EFHB: variants seen among roughly 807,000 people sequenced by gnomAD.
The protein encoded by EFHB is EF-hand domain family member B.
A neutral mutation model predicts 87.2 loss-of-function variants in EFHB; 91 were observed. That is an observed-to-expected ratio of 1.04 (90% CI 0.88 to 1.24). The LOEUF (loss-of-function observed/expected upper bound fraction) is 1.24, where lower values mean the gene tolerates loss of function less well. Among genes scored for constraint, EFHB ranks in the 50% most tolerant of loss-of-function variants. EFHB has a pLI of 0.00. For synonymous variants in EFHB, 325 were observed against 333.6 expected, an observed-to-expected ratio of 0.97 and a Z score of 0.28; for missense variants, 1,084 against 998.8, an observed-to-expected ratio of 1.09 and a Z score of -1.15.
At chr3:19,905,928 T>C (rs1694828080) in intron 5 of EFHB, among the ~76,000 whole-genome samples, 179 bp from the exon 6 acceptor site, 1 of 152,234 alleles carries the variant, frequency 6.6e-6, no homozygotes, top group Non-Finnish European at 1.5e-5. Flanking sequence ...CCATGTGAGC[T>C]GGGAGACTGG....
chr3:19,939,213 T>TGACTTTC (rs2125171249), upstream of EFHB, among the ~76,000 whole-genome samples: 1 of 152,088 alleles, frequency 6.6e-6, no homozygotes, highest in Admixed American at 6.6e-5. Context: ...GCCTACTTTA[T>TGACTTTC]GACTTTCTGC....
rs564319361 is a variant in EFHB, at chr3:19,923,535, G to C, written c.790-2968C>G. The stretch of plus-strand genomic sequence containing the variant: ...CTACAAGTGTGGGCCACCATGCCTA[G>C]CTAATTTTTGTATTTTTTTTGTAGA... On this transcript the variant is annotated intron_variant, in intron 1 of 12. Coordinates refer to ENST00000295824, the MANE Select transcript of EFHB (RefSeq NM_144715.4). Among the ~76,000 whole-genome samples the C allele has an allele frequency of 4.6e-5, 7 of 152,148 alleles. No individual in the cohort carries two copies. In the East Asian group the frequency reaches 9.7e-4, roughly 21 times the overall value.
intron 5 of EFHB, among the ~76,000 whole-genome samples, chr3:19,914,416 C>T (rs113911229): frequency 8.5e-5 from 13 of 152,254 alleles, no homozygotes; most frequent in African/African-American, 2.9e-4. Context: ...TACTTAGCAT[C>T]AACATACTGG....
intron 4 of EFHB, among the ~76,000 whole-genome samples, chr3:19,916,448 G>C (rs1291797898): frequency 6.6e-6 from 1 of 151,906 alleles, no homozygotes; most frequent in Non-Finnish European, 1.5e-5. Context: ...CTGGGAGGCA[G>C]AGGTTGCAGG....
intron 10 of EFHB, 47 bp from the exon 11 acceptor site, chr3:19,884,662 C>T (rs1254887575): frequency 6.4e-7 from 1 of 1,553,168 alleles, no homozygotes; most frequent in Non-Finnish European, 8.8e-7. Flanking sequence ...TACATTACTA[C>T]TTAGTGCTTG....
At chr3:19,929,927 G>A (rs1695773037) in intron 1 of EFHB, among the ~76,000 whole-genome samples, 1 of 152,108 alleles carries the variant, frequency 6.6e-6, no homozygotes, top group South Asian at 2.1e-4. Context: ...ATAGGAATTT[G>A]AGATTTCAAA....
chr3:19,920,382 A>G (rs918373266), intron 2 of EFHB, 123 bp downstream of exon 2: 1 of 804,750 alleles, frequency 1.2e-6, no homozygotes, highest in Non-Finnish European at 1.9e-6. Context: ...AAAATACAGC[A>G]AAGAATCCAA....
intron 1 of EFHB, among the ~76,000 whole-genome samples, chr3:19,939,236 T>G (rs1348687512): frequency 6.6e-6 from 1 of 152,022 alleles, no homozygotes; most frequent in Non-Finnish European, 1.5e-5. Context: ...TTGCCCCTGT[T>G]GTCCCCCTTG....
intron 1 of EFHB, among the ~76,000 whole-genome samples, chr3:19,939,540 A>G (rs190353056): frequency 0.014 from 2,023 of 147,224 alleles, 18 homozygotes; most frequent in Non-Finnish European, 0.021. Context: ...GCCCGCCACC[A>G]CACCCGGCTA....
intron 4 of EFHB, among the ~76,000 whole-genome samples, chr3:19,916,027 C>T (rs932484344): frequency 9.2e-5 from 14 of 152,206 alleles, no homozygotes; most frequent in African/African-American, 3.1e-4. Context: ...GTAAGCCATA[C>T]TCCAAGCACA....
chr3:19,880,738 C>T (rs751892138), intron 12 of EFHB, among the ~76,000 whole-genome samples: 11 of 151,964 alleles, frequency 7.2e-5, no homozygotes, highest in Non-Finnish European at 1.3e-4. Context: ...ATTATTAAAA[C>T]AGATGAAGGC....
intron 9 of EFHB, among the ~76,000 whole-genome samples, chr3:19,890,663 C>T (rs1045819563): frequency 2.7e-5 from 4 of 148,098 alleles, no homozygotes; most frequent in African/African-American, 7.8e-5. Flanking sequence ...CCTTTGGGAC[C>T]CCATAACCCT....
At position 19,934,169 on chromosome 3, in the gene EFHB, G is replaced by C. The variant is rs1695941664; in HGVS notation, c.-151C>G. 2 of 1,442,658 alleles carry C rather than the reference G, an allele frequency of 1.4e-6. No individual in the cohort carries two copies. Among genetic ancestry groups the C allele is most frequent in the South Asian group, 3.0e-5 (2 of 66,678 alleles). The allele number at this position is 1,442,658 out of a possible 1,614,324, so 89.4% of individuals were successfully genotyped here. On this transcript the variant is annotated 5_prime_UTR_variant, in exon 1 of 13. Transcript: ENST00000295824. Reference sequence around the variant, plus strand: ...TCGGACTCCCTGTCCATTGCTTCCTGCCTGCCTCTTAACACCTAGCCGAGT... The same window carrying C: ...TCGGACTCCCTGTCCATTGCTTCCTCCCTGCCTCTTAACACCTAGCCGAGT...
intron 1 of EFHB, among the ~76,000 whole-genome samples, chr3:19,924,380 AT>A (rs1559470228): frequency 1.3e-5 from 2 of 151,662 alleles, no homozygotes; most frequent in African/African-American, 4.8e-5. Context: ...CGCCCGGCTA[AT>A]TTTTGTATTT....
At chr3:19,932,623 T>C (rs1027721352) in intron 1 of EFHB, among the ~76,000 whole-genome samples, 19 of 152,250 alleles carry the variant, frequency 1.2e-4, no homozygotes, top group African/African-American at 4.6e-4. Flanking sequence ...CTAAACAGAA[T>C]TGTGCAATCT....
chr3:19,897,037 G>A (rs1694513678), intron 8 of EFHB, among the ~76,000 whole-genome samples, 196 bp from the exon 9 acceptor site: 1 of 152,064 alleles, frequency 6.6e-6, no homozygotes, highest in Admixed American at 6.5e-5. Context: ...TAATATTCCT[G>A]GTTTATGTTA....
At chr3:19,939,396 T>TCC (rs1696099519) in intron 1 of EFHB, among the ~76,000 whole-genome samples, 4 of 126,234 alleles carry the variant, frequency 3.2e-5, no homozygotes, top group Admixed American at 1.6e-4. Flanking sequence ...TTTTTTTTTT[T>TCC]TTTTGGGATG....
At chr3:19,936,352 C>G (rs557413502), upstream of EFHB, 28 of 438,644 alleles carry the variant, frequency 6.4e-5, no homozygotes, top group Admixed American at 5.1e-4. Flanking sequence ...AAAAAAAAGT[C>G]CAGGAGTTCA....
At chr3:19,920,384 A>G (rs1389039528) in intron 2 of EFHB, 121 bp downstream of exon 2, 2 of 812,832 alleles carry the variant, frequency 2.5e-6, no homozygotes, top group Non-Finnish European at 1.9e-6. Context: ...AATACAGCAA[A>G]GAATCCAAAT....
Sources: gnomAD v4.1 joint callset for allele counts (sites outside exome capture counted in the v4.1 genomes callset) on GRCh38, gnomAD v4.1.1 for gene constraint, MANE v1.5 for transcripts, NCBI Gene and HGNC (gene_info 2026-07-23, HGNC 2026-07-21) for gene names.